CNTN6: variants seen among roughly 807,000 people sequenced by gnomAD.
CNTN6 encodes the protein contactin-6.
A neutral mutation model predicts 122.8 loss-of-function variants in CNTN6; 137 were observed. That is an observed-to-expected ratio of 1.12 (90% confidence interval 0.97 to 1.29). The LOEUF (loss-of-function observed/expected upper bound fraction) is 1.29. Ranked by LOEUF, CNTN6 falls within the 50% of genes most tolerant of loss-of-function variation. CNTN6 has a pLI of 0.00. For missense variants in CNTN6, 1,634 were observed against 1,223.4 expected (o/e 1.34, Z -5.01); for synonymous variants, 570 against 426.0 (o/e 1.34, Z -4.16).
At chr3:1,262,494 T>A (rs899836728) in intron 4 of CNTN6, among the ~76,000 whole-genome samples, 2 of 152,156 alleles carry the variant, frequency 1.3e-5, no homozygotes, top group African/African-American at 4.8e-5. Context: ...GGTCTAAGAT[T>A]TCTCTTGATC....
chr3:1,232,842 T>C (rs907332798), intron 4 of CNTN6, among the ~76,000 whole-genome samples: 1 of 152,214 alleles, frequency 6.6e-6, no homozygotes, highest in Non-Finnish European at 1.5e-5. Context: ...AAATGGGGCT[T>C]GCATTGAACC....
rs144827101 is a variant in CNTN6 at position 1,271,966 on chromosome 3, G to A, written c.359-6447G>A. Among the ~76,000 whole-genome samples the A allele has an allele frequency of 2.0e-5, 3 of 152,282 alleles. No individual in the cohort carries two copies. In the East Asian group the frequency reaches 5.8e-4, roughly 29 times the overall value. ...AGTTGCCATAATCCCCACATGTCATGGGAGGGACCCAGTGGGAGGTAATTG... is the reference window on the plus strand; with the variant it reads ...AGTTGCCATAATCCCCACATGTCATAGGAGGGACCCAGTGGGAGGTAATTG... On this transcript the variant is annotated intron_variant, in intron 4 of 22. Transcript: ENST00000446702.
At chr3:1,376,274 T>A (rs183828) in intron 16 of CNTN6, among the ~76,000 whole-genome samples, 116,857 of 152,008 alleles carry the variant, frequency 0.77, 45,334 homozygotes, top group African/African-American at 0.88. Flanking sequence ...GTTTCTATGA[T>A]CTATTATTCA....
intron 4 of CNTN6, among the ~76,000 whole-genome samples, chr3:1,268,564 G>A (rs1442343141): frequency 2.2e-5 from 3 of 134,586 alleles, no homozygotes; most frequent in East Asian, 2.5e-4. Flanking sequence ...CCGAGATTGA[G>A]CCACTGCACT....
chr3:1,202,504 G>A (rs1158027038), intron 2 of CNTN6, among the ~76,000 whole-genome samples: 10 of 151,694 alleles, frequency 6.6e-5, no homozygotes, highest in South Asian at 2.1e-4. Context: ...TGGCGCCACC[G>A]CCCTCCAGCC....
intron 12 of CNTN6, among the ~76,000 whole-genome samples, chr3:1,358,370 T>C (rs1210043539): frequency 6.6e-6 from 1 of 151,952 alleles, no homozygotes; most frequent in East Asian, 1.9e-4. Context: ...TTGACTCTAT[T>C]CTGACCGTAA....
chr3:1,275,653 C>G (rs1355922498), intron 4 of CNTN6, among the ~76,000 whole-genome samples: 4 of 152,180 alleles, frequency 2.6e-5, no homozygotes, highest in Non-Finnish European at 5.9e-5. Flanking sequence ...TTTCCTGCCA[C>G]TAGATGGTGC....
intron 12 of CNTN6, 47 bp downstream of exon 12, chr3:1,352,498 A>G: frequency 6.3e-7 from 1 of 1,592,494 alleles, no homozygotes; most frequent in Non-Finnish European, 8.6e-7. Context: ...GTAAATATGC[A>G]GGCATATTAT....
chr3:1,300,474 A>AGGAG lies in CNTN6; in HGVS notation c.761+2486_761+2487insGGGA, dbSNP rs1341780439. Among the ~76,000 whole-genome samples, 72 of 135,440 alleles carry AGGAG rather than the reference A, an allele frequency of 5.3e-4. 1 individual carries two copies. Among genetic ancestry groups the AGGAG allele is most frequent in the African/African-American group, 2.4e-3 (67 of 27,654 alleles). 88.9% of individuals were successfully genotyped at this position (135,440 alleles called of 152,430 possible). On this transcript the variant is annotated intron_variant, in intron 7 of 22. Transcript: ENST00000446702. ...CAGGAAGGAAGGAAGGAAGGAAGGA[A>AGGAG]GGAAGGAAGGAAGGAAGGAAAAAGA...
intron 2 of CNTN6, among the ~76,000 whole-genome samples, chr3:1,161,769 TACAC>T (rs558137459): frequency 0.019 from 2,752 of 143,088 alleles, 37 homozygotes; most frequent in Middle Eastern, 0.032. Flanking sequence ...TATATATGTA[TACAC>T]ACACACACAC....
intron 11 of CNTN6, among the ~76,000 whole-genome samples, chr3:1,343,336 T>A (rs2126044613): frequency 6.6e-6 from 1 of 152,254 alleles, no homozygotes; most frequent in East Asian, 1.9e-4. Flanking sequence ...ACCCCTGCAT[T>A]GTTCAAAGGC....
intron 4 of CNTN6, among the ~76,000 whole-genome samples, chr3:1,261,249 A>G (rs1300986671): frequency 6.6e-6 from 1 of 152,204 alleles, no homozygotes; most frequent in African/African-American, 2.4e-5. Flanking sequence ...TGGCGAAGAC[A>G]TGGACTATGT....
intron 3 of CNTN6, among the ~76,000 whole-genome samples, chr3:1,226,020 C>T (rs1161031584): frequency 5.3e-5 from 8 of 151,976 alleles, no homozygotes; most frequent in Non-Finnish European, 8.8e-5. Flanking sequence ...AAGACGCGCC[C>T]GAAGAAGTCA....
intron 4 of CNTN6, among the ~76,000 whole-genome samples, chr3:1,252,841 G>A (rs551637663): frequency 5.9e-5 from 9 of 152,216 alleles, no homozygotes; most frequent in East Asian, 3.9e-4. Context: ...ATGCATCTCC[G>A]AGAACCTTCA....
At chr3:1,291,166 G>T (rs1475461298) in intron 5 of CNTN6, among the ~76,000 whole-genome samples, 3 of 152,114 alleles carry the variant, frequency 2.0e-5, no homozygotes, top group African/African-American at 7.2e-5. Context: ...CCTTTATACT[G>T]TTAGTTCTTG....
chr3:1,359,814 C>A (rs1164095110), intron 12 of CNTN6, among the ~76,000 whole-genome samples: 1 of 152,056 alleles, frequency 6.6e-6, no homozygotes, highest in Non-Finnish European at 1.5e-5. Flanking sequence ...TTTCCTTGTT[C>A]GTTTGCCTGC....
intron 11 of CNTN6, among the ~76,000 whole-genome samples, chr3:1,343,753 C>G (rs1350486468): frequency 1.3e-5 from 2 of 151,962 alleles, no homozygotes; most frequent in African/African-American, 4.8e-5. Context: ...ATTCTCAAAA[C>G]AAGATGATGA....
intron 8 of CNTN6, among the ~76,000 whole-genome samples, chr3:1,323,198 T>C (rs1701099879): frequency 6.6e-6 from 1 of 150,850 alleles, no homozygotes; most frequent in African/African-American, 2.5e-5. Flanking sequence ...GTAGAAATCT[T>C]AAGATTAATA....
intron 8 of CNTN6, among the ~76,000 whole-genome samples, chr3:1,322,646 GTA>G (rs1374172468): frequency 2.0e-5 from 3 of 151,142 alleles, no homozygotes; most frequent in Admixed American, 6.6e-5. Flanking sequence ...ATGTGTGTGT[GTA>G]TGTGTGTGTG....
Sources: allele counts gnomAD v4.1 joint callset (sites outside exome capture counted in the v4.1 genomes callset), GRCh38; gene constraint gnomAD v4.1.1; transcripts MANE v1.5; gene names NCBI Gene and HGNC (gene_info 2026-07-23, HGNC 2026-07-21).